TSPAN18: variants seen among roughly 807,000 people sequenced by gnomAD.
The protein encoded by TSPAN18 is tetraspanin 18, also known as tetraspanin-18.
A neutral mutation model predicts 27.3 loss-of-function variants in TSPAN18; 14 were observed. That is an observed-to-expected ratio of 0.51 (90% CI 0.34 to 0.80). The LOEUF (loss-of-function observed/expected upper bound fraction) is 0.80, where lower values mean the gene tolerates loss of function less well. Ranked by LOEUF, TSPAN18 falls within the 30% of genes least tolerant of loss-of-function variation. The pLI is 0.01. For synonymous variants in TSPAN18, 143 were observed against 136.5 expected (o/e 1.05, Z -0.33); for missense variants, 268 against 323.9 (o/e 0.83, Z 1.32).
intron 1 of TSPAN18, among the ~76,000 whole-genome samples, chr11:44,754,483 A>G (rs188700772): frequency 1.3e-5 from 2 of 152,352 alleles, no homozygotes; most frequent in African/African-American, 2.4e-5. Context: ...ACCAAAGCCA[A>G]CTTCAGCACT....
chr11:44,907,464 T>C (rs1281589470), intron 4 of TSPAN18, among the ~76,000 whole-genome samples: 1 of 152,156 alleles, frequency 6.6e-6, no homozygotes, highest in Non-Finnish European at 1.5e-5. Context: ...TATCTCTACC[T>C]CTATATCTTT....
chr11:44,788,701 C>T (rs1856121246), intron 2 of TSPAN18, among the ~76,000 whole-genome samples: 1 of 152,170 alleles, frequency 6.6e-6, no homozygotes, highest in Non-Finnish European at 1.5e-5. Context: ...CCCGCCTCGG[C>T]CTCCCAAAGT....
rs367945306 is a variant in TSPAN18 at position 44,919,828 on chromosome 11, C to T, written c.444C>T (p.Cys148=). The T allele has an allele frequency of 7.2e-5, 116 of 1,614,008 alleles. No homozygotes were observed. Among genetic ancestry groups the T allele is most frequent in the African/African-American group, 2.5e-4 (19 of 74,928 alleles). Residue 148 remains cysteine (C), a synonymous_variant, in exon 8 of 10, where the codon TGC becomes TGT. Transcript: ENST00000520358. The part of the protein sequence containing the change: ...WNSVMITFGC[C]GVNGPEDFKF... ...GGATCTCCCCCTAGTTTGGTTGCTG[C>T]GGGGTCAACGGGCCTGAAGACTTTA...
intron 3 of TSPAN18, among the ~76,000 whole-genome samples, chr11:44,897,326 G>C (rs1005748385): frequency 1.3e-5 from 2 of 152,166 alleles, no homozygotes; most frequent in African/African-American, 4.8e-5. Flanking sequence ...TGGGTTTTGG[G>C]GGAGGAAGTT....
intron 2 of TSPAN18, among the ~76,000 whole-genome samples, chr11:44,781,855 C>T (rs1262939112): frequency 6.6e-6 from 1 of 152,154 alleles, no homozygotes; most frequent in African/African-American, 2.4e-5. Context: ...ATCTCTGTTC[C>T]TTCCCCAGAG....
Position 44,780,496 on chromosome 11 carries a change from A to G in TSPAN18, c.-153+15984A>G, listed in dbSNP as rs994999425. On this transcript the variant is annotated intron_variant, in intron 2 of 9. Coordinates refer to ENST00000520358, the MANE Select transcript of TSPAN18 (RefSeq NM_130783.5). ...TCACCTACCATCCGTTCATTCCAAC[A>G]CTTACTGACAGCAGCGATCCAGACA... 2.0e-5 allele frequency among the ~76,000 whole-genome samples: 3 copies of G among 152,218 alleles called. No homozygotes were observed. In the East Asian group the frequency reaches 5.8e-4, roughly 29 times the overall value.
chr11:44,801,462 G>T (rs1856477903), intron 2 of TSPAN18, among the ~76,000 whole-genome samples: 1 of 152,168 alleles, frequency 6.6e-6, no homozygotes, highest in Non-Finnish European at 1.5e-5. Context: ...ACAGAGCTGG[G>T]CATACAGAAG....
chr11:44,752,899 T>G (rs1855244469), intron 1 of TSPAN18, among the ~76,000 whole-genome samples: 1 of 152,234 alleles, frequency 6.6e-6, no homozygotes, highest in South Asian at 2.1e-4. Flanking sequence ...TACAAGTTCA[T>G]GTGTAACTTT....
chr11:44,849,485 G>C (rs1200633368), intron 2 of TSPAN18, among the ~76,000 whole-genome samples: 1 of 152,206 alleles, frequency 6.6e-6, no homozygotes. Context: ...AGAGGCAAGG[G>C]GGCTGGACTG....
At chr11:44,726,371 C>T (rs1246070379), upstream of TSPAN18, 1 of 152,424 alleles carries the variant, frequency 6.6e-6, no homozygotes, top group African/African-American at 2.4e-5. Context: ...CCGCAAGAAC[C>T]TCAGCCCTGA....
At chr11:44,865,711 G>A (rs1294774344) in intron 3 of TSPAN18, among the ~76,000 whole-genome samples, 1 of 152,172 alleles carries the variant, frequency 6.6e-6, no homozygotes, top group African/African-American at 2.4e-5. Flanking sequence ...ACAGGGGACA[G>A]CTATGCAGTC....
chr11:44,825,686 C>T (rs1313134613), intron 2 of TSPAN18, among the ~76,000 whole-genome samples: 1 of 152,190 alleles, frequency 6.6e-6, no homozygotes, highest in African/African-American at 2.4e-5. Context: ...GCCGTCTCAG[C>T]ATTTGAACCT....
At chr11:44,799,610 T>C (rs1248863938) in intron 2 of TSPAN18, among the ~76,000 whole-genome samples, 1 of 152,170 alleles carries the variant, frequency 6.6e-6, no homozygotes, top group East Asian at 1.9e-4. Flanking sequence ...GCACATCGAT[T>C]GGGTGTTTAT....
At chr11:44,892,927 G>C (rs149406494) in intron 3 of TSPAN18, among the ~76,000 whole-genome samples, 339 of 152,320 alleles carry the variant, frequency 2.2e-3, no homozygotes, top group African/African-American at 7.7e-3. Context: ...AGTTACCTAC[G>C]TGCAGGTGTA....
intron 2 of TSPAN18, among the ~76,000 whole-genome samples, chr11:44,767,106 A>G (rs1268480509): frequency 6.6e-6 from 1 of 152,178 alleles, no homozygotes; most frequent in African/African-American, 2.4e-5. Context: ...CTGGAGACAC[A>G]TAACTCCTTC....
At chr11:44,875,479 C>T (rs1163483041) in intron 3 of TSPAN18, among the ~76,000 whole-genome samples, 1 of 152,258 alleles carries the variant, frequency 6.6e-6, no homozygotes, top group East Asian at 1.9e-4. Flanking sequence ...ATCTTACCTA[C>T]CGACCTTCCC....
intron 2 of TSPAN18, among the ~76,000 whole-genome samples, chr11:44,803,216 C>G (rs1038478198): frequency 6.6e-6 from 1 of 152,110 alleles, no homozygotes; most frequent in African/African-American, 2.4e-5. Flanking sequence ...TTTCAGAAGA[C>G]AAGTCGACAG....
chr11:44,767,097 T>G (rs1314650035), intron 2 of TSPAN18, among the ~76,000 whole-genome samples: 2 of 152,148 alleles, frequency 1.3e-5, no homozygotes, highest in East Asian at 3.8e-4. Context: ...GGGGTTACCC[T>G]GGAGACACAT....
At position 44,909,700 on chromosome 11, in the gene TSPAN18, A is replaced by C; in HGVS notation, c.64-5A>C. 4 of 1,607,130 alleles carry C rather than the reference A, an allele frequency of 2.5e-6. No homozygotes were observed. The highest frequency in any genetic ancestry group is 3.4e-6 in the Non-Finnish European group (4 of 1,178,304). ...TCCTCCCAACTCCTCCACTGGCCCG[A>C]GCAGCTGGGCGGGGCCTGCCTGCTG... On this transcript the variant is annotated splice_polypyrimidine_tract_variant and splice_region_variant and intron_variant, in intron 4 of 9. Transcript: ENST00000520358.
Sources: allele counts gnomAD v4.1 joint callset (sites outside exome capture counted in the v4.1 genomes callset), GRCh38; gene constraint gnomAD v4.1.1; transcripts MANE v1.5; gene names NCBI Gene and HGNC (gene_info 2026-07-23, HGNC 2026-07-21).